Variants in RALGPS1 observed in about 807,000 individuals in gnomAD.
The protein encoded by RALGPS1 is Ral GEF with PH domain and SH3 binding motif 1.
Under a neutral mutation model 78.8 loss-of-function variants are expected in RALGPS1, and 19 were observed. The observed-to-expected ratio is 0.24, with a 90% CI of 0.17 to 0.35. RALGPS1 has a LOEUF of 0.35. Ranked by LOEUF, RALGPS1 falls within the 10% of genes least tolerant of loss-of-function variation. RALGPS1 has a pLI of 1.00. For synonymous variants in RALGPS1, 228 were observed against 256.3 expected (o/e 0.89, Z 1.06); for missense variants, 454 against 688.3 (o/e 0.66, Z 3.81).
At chr9:126,933,763 A>G (rs988637566) in intron 1 of RALGPS1, among the ~76,000 whole-genome samples, 2 of 152,032 alleles carry the variant, frequency 1.3e-5, no homozygotes, top group African/African-American at 4.8e-5. Flanking sequence ...GCCATGGGAG[A>G]CAAGTGGCCA....
At chr9:127,063,900 A>C (rs2049440542) in intron 7 of RALGPS1, among the ~76,000 whole-genome samples, 1 of 152,188 alleles carries the variant, frequency 6.6e-6, no homozygotes, top group African/African-American at 2.4e-5. Context: ...TTCAGTTATT[A>C]TTGTTATTTT....
chr9:127,124,293 C>G (rs540273714), intron 8 of RALGPS1, among the ~76,000 whole-genome samples: 1 of 152,174 alleles, frequency 6.6e-6, no homozygotes, highest in African/African-American at 2.4e-5. Context: ...TTTGAAGCCC[C>G]GAGCTAAGCT....
At chr9:126,998,235 C>G (rs1309197180) in intron 4 of RALGPS1, among the ~76,000 whole-genome samples, 6 of 152,150 alleles carry the variant, frequency 3.9e-5, no homozygotes, top group Admixed American at 2.0e-4. Context: ...GAACAGGCAA[C>G]CTACAGAATG....
At chr9:127,095,118 GC>G (rs1258571106) in intron 8 of RALGPS1, among the ~76,000 whole-genome samples, 1 of 152,206 alleles carries the variant, frequency 6.6e-6, no homozygotes. Flanking sequence ...TCCTCATAGG[GC>G]CGGGCACGGT....
At chr9:127,002,458 T>TA (rs2043419632) in intron 4 of RALGPS1, among the ~76,000 whole-genome samples, 1 of 150,526 alleles carries the variant, frequency 6.6e-6, no homozygotes, top group Non-Finnish European at 1.5e-5. Context: ...CTTTTTTTTT[T>TA]ATTATACTTT....
chr9:127,143,744 A>C (rs970368178), intron 8 of RALGPS1, among the ~76,000 whole-genome samples: 1 of 152,256 alleles, frequency 6.6e-6, no homozygotes, highest in Non-Finnish European at 1.5e-5. Flanking sequence ...AGAAGACATC[A>C]GAGTTAACGT....
At chr9:127,150,492 C>T (rs1268318249) in intron 8 of RALGPS1, among the ~76,000 whole-genome samples, 2 of 152,186 alleles carry the variant, frequency 1.3e-5, no homozygotes, top group African/African-American at 4.8e-5. Flanking sequence ...GGCTACTTTA[C>T]CACCCCCCTC....
intron 18 of RALGPS1, among the ~76,000 whole-genome samples, chr9:127,215,441 T>C (rs1262854943): frequency 1.3e-5 from 2 of 152,230 alleles, no homozygotes; most frequent in Admixed American, 1.3e-4. Flanking sequence ...ATGTTTCCCA[T>C]GCAGGAATTG....
chr9:127,213,175 C>T lies in RALGPS1; in HGVS notation c.1552+126C>T, dbSNP rs1037898850. 39 of 1,481,326 alleles carry T rather than the reference C, an allele frequency of 2.6e-5. 1 individual carries two copies. In the South Asian group the frequency reaches 4.1e-4, roughly 16 times the overall value. 91.8% of individuals were successfully genotyped at this position (1,481,326 alleles called of 1,614,324 possible). On this transcript the variant is annotated intron_variant, in intron 17 of 18. Coordinates refer to ENST00000259351, the MANE Select transcript of RALGPS1 (RefSeq NM_014636.3). The stretch of plus-strand genomic sequence containing the variant: ...GCCTTCCCTTTGCTTTAGATTCTGA[C>T]GTTCATGGGGTCCATGCTAGTCCAC...
At chr9:127,184,246 G>A (rs1014241083) in intron 11 of RALGPS1, 1 of 525,456 alleles carries the variant, frequency 1.9e-6, no homozygotes, top group Non-Finnish European at 3.4e-6. Flanking sequence ...CTTGATCCCA[G>A]GAGGGGGAGG....
intron 8 of RALGPS1, among the ~76,000 whole-genome samples, chr9:127,119,576 C>T (rs1039350600): frequency 2.6e-5 from 4 of 152,206 alleles, no homozygotes; most frequent in Admixed American, 2.6e-4. Context: ...GATGCTAAAA[C>T]TAGAACCTAC....
At chr9:127,019,313 A>AT (rs959875189) in intron 4 of RALGPS1, among the ~76,000 whole-genome samples, 3 of 151,802 alleles carry the variant, frequency 2.0e-5, no homozygotes, top group Non-Finnish European at 2.9e-5. Context: ...TTTACTGTTC[A>AT]TTTTTTATTT....
At chr9:127,036,999 C>G (rs190843382) in intron 5 of RALGPS1, among the ~76,000 whole-genome samples, 1 of 152,204 alleles carries the variant, frequency 6.6e-6, no homozygotes, top group Non-Finnish European at 1.5e-5. Context: ...TGAGTCTTAT[C>G]GCAACAACTT....
chr9:126,991,169 A>G (rs1303782668), intron 4 of RALGPS1, among the ~76,000 whole-genome samples: 1 of 152,166 alleles, frequency 6.6e-6, no homozygotes, highest in Non-Finnish European at 1.5e-5. Flanking sequence ...GTCTGTTTTA[A>G]CAGTTTCTTG....
chr9:126,975,662 T>C (rs1271199545), intron 3 of RALGPS1, among the ~76,000 whole-genome samples: 2 of 152,092 alleles, frequency 1.3e-5, no homozygotes, highest in Non-Finnish European at 2.9e-5. Flanking sequence ...GCCAGTCTGT[T>C]TGCACTGCTC....
At chr9:127,081,877 C>G (rs754979547) in intron 8 of RALGPS1, among the ~76,000 whole-genome samples, 1 of 152,252 alleles carries the variant, frequency 6.6e-6, no homozygotes, top group African/African-American at 2.4e-5. Context: ...CATGTGGCAG[C>G]GCTGTGGGAA....
At chr9:127,082,232 A>G (rs1233753844) in intron 8 of RALGPS1, among the ~76,000 whole-genome samples, 1 of 152,228 alleles carries the variant, frequency 6.6e-6, no homozygotes, top group Non-Finnish European at 1.5e-5. Context: ...TGTTCGGAGT[A>G]GCAAAGCAGG....
intron 8 of RALGPS1, chr9:127,088,118 A>G (rs1379048448): frequency 6.6e-6 from 1 of 152,542 alleles, no homozygotes; most frequent in Non-Finnish European, 1.5e-5. Flanking sequence ...GCAGAGCGGA[A>G]AGGGGGCCTT....
intron 2 of RALGPS1, 110 bp downstream of exon 2, chr9:126,962,456 C>A: frequency 9.1e-7 from 1 of 1,103,960 alleles, no homozygotes; most frequent in South Asian, 1.3e-5. Context: ...TGAATACCAC[C>A]ATTCTTAGCA....
Sources: allele counts gnomAD v4.1 joint callset (sites outside exome capture counted in the v4.1 genomes callset), GRCh38; gene constraint gnomAD v4.1.1; transcripts MANE v1.5; gene names NCBI Gene and HGNC (gene_info 2026-07-23, HGNC 2026-07-21).